Variants in MMP20 observed in about 807,000 individuals in gnomAD.
The protein encoded by MMP20 is matrix metalloproteinase-20.
A neutral mutation model predicts 51.8 loss-of-function variants in MMP20; 50 were observed. The observed-to-expected ratio is 0.97, with a 90% confidence interval of 0.77 to 1.22. The LOEUF (loss-of-function observed/expected upper bound fraction) is 1.22, where lower values mean the gene tolerates loss of function less well. MMP20 is among the 50% of genes most tolerant of loss of function. MMP20 has a pLI of 0.00. For synonymous variants in MMP20, 244 were observed against 216.2 expected, an observed-to-expected ratio of 1.13 and a Z score of -1.13; for missense variants, 663 against 601.4, an observed-to-expected ratio of 1.10 and a Z score of -1.07.
rs538541206 is a variant in MMP20, at chr11:102,616,398, A to T, written c.374+414T>A. On this transcript the variant is annotated intron_variant, in intron 2 of 9. Transcript: ENST00000260228. ...TGACCTGTTCACCTTTATAACCCTC[A>T]AATGGAATGCATTTCTTGAATCATC... is the stretch of plus-strand genomic sequence containing the variant. Among the ~76,000 whole-genome samples, 20 of 152,320 alleles carry T rather than the reference A, an allele frequency of 1.3e-4. No homozygotes were observed. The South Asian group carries it at 3.9e-3, about 30-fold the overall frequency.
chr11:102,604,647 G>A (rs1859491569), intron 6 of MMP20, among the ~76,000 whole-genome samples: 3 of 152,142 alleles, frequency 2.0e-5, no homozygotes, highest in South Asian at 2.1e-4. Context: ...CCTTTGAAAA[G>A]TGAATGTCTG....
chr11:102,610,541 C>T (rs1466445309), intron 3 of MMP20, among the ~76,000 whole-genome samples: 1 of 152,136 alleles, frequency 6.6e-6, no homozygotes, highest in Non-Finnish European at 1.5e-5. Context: ...TGTCAAAAAT[C>T]TCTCTGTAAT....
intron 2 of MMP20, among the ~76,000 whole-genome samples, chr11:102,614,731 A>C (rs907764579): frequency 6.6e-5 from 10 of 151,884 alleles, no homozygotes; most frequent in African/African-American, 1.7e-4. Context: ...TGTTCCCTGG[A>C]TTCTGGCCCC....
intron 4 of MMP20, 30 bp downstream of exon 4, chr11:102,609,875 T>C: frequency 1.2e-6 from 2 of 1,613,948 alleles, no homozygotes; most frequent in Non-Finnish European, 1.7e-6. Flanking sequence ...TACAATATTT[T>C]CCAGGTTATG....
intron 8 of MMP20, among the ~76,000 whole-genome samples, chr11:102,587,351 C>G (rs1859266181): frequency 1.3e-5 from 2 of 152,110 alleles, no homozygotes; most frequent in Admixed American, 1.3e-4. Context: ...TTTGTTGAGA[C>G]TTGTGTGGTG....
intron 6 of MMP20, chr11:102,605,362 A>C (rs1214812195): frequency 6.6e-6 from 1 of 151,966 alleles, no homozygotes; most frequent in Non-Finnish European, 1.5e-5. Context: ...AGACTGATAC[A>C]CTCCAGGTGG....
chr11:102,611,813 C>A lies in MMP20; in HGVS notation c.465G>T (p.Leu155=). 6.2e-7 allele frequency: 1 copy of A among 1,614,242 alleles called. No individual in the cohort carries two copies. The highest frequency in any genetic ancestry group is 8.5e-7 in the Non-Finnish European group (1 of 1,180,040). The change falls in exon 3 of 10, where the codon CTG becomes CTT. Residue 155 remains leucine (L), a synonymous_variant. Coordinates refer to ENST00000260228, the MANE Select transcript of MMP20 (RefSeq NM_004771.4). ...CTCCTGAGTTTATTCTGACAAAGCTCAGAGGGACGGCGCTACTCCAGGCCT... is the reference window on the plus strand; with the variant it reads ...CTCCTGAGTTTATTCTGACAAAGCTAAGAGGGACGGCGCTACTCCAGGCCT... ...ALQAWSSAVP[L]SFVRINSGEA...
At chr11:102,599,926 T>A (rs1377544979) in intron 6 of MMP20, among the ~76,000 whole-genome samples, 1 of 152,230 alleles carries the variant, frequency 6.6e-6, no homozygotes, top group Non-Finnish European at 1.5e-5. Flanking sequence ...AAATTAAGAA[T>A]GTTTGTACCC....
At chr11:102,607,254 T>C (rs898629773) in intron 5 of MMP20, 2 of 165,414 alleles carry the variant, frequency 1.2e-5, no homozygotes, top group South Asian at 3.1e-4. Flanking sequence ...ACTGAAGGTG[T>C]TTGCTATTTA....
chr11:102,610,129 C>A (rs1859578876), intron 3 of MMP20, 99 bp from the exon 4 acceptor site: 4 of 1,254,572 alleles, frequency 3.2e-6, no homozygotes, highest in South Asian at 2.5e-5. Context: ...GTAGCATTGA[C>A]ACTTAAATTC....
chr11:102,584,075 A>G (rs1859227088), intron 8 of MMP20, among the ~76,000 whole-genome samples: 2 of 152,176 alleles, frequency 1.3e-5, no homozygotes, highest in South Asian at 4.1e-4. Context: ...ATTATTAATA[A>G]TGCTGCTATG....
chr11:102,618,841 A>T (rs73582620), intron 1 of MMP20, among the ~76,000 whole-genome samples: 2,484 of 152,276 alleles, frequency 0.016, 80 homozygotes, highest in African/African-American at 0.057. Flanking sequence ...TGCTGGGGAA[A>T]AAATAAAAAG....
intron 8 of MMP20, chr11:102,583,355 G>A (rs1859217718): frequency 6.6e-6 from 1 of 152,134 alleles, no homozygotes; most frequent in Non-Finnish European, 1.5e-5. Context: ...TTTGCCATAT[G>A]TTGACATTTC....
In MMP20 at chr11:102,609,294, G is replaced by A. The variant is rs17098958; in HGVS notation, c.650-196C>T. On this transcript the variant is annotated intron_variant, in intron 4 of 9. Coordinates refer to ENST00000260228, the MANE Select transcript of MMP20 (RefSeq NM_004771.4). ...ATTCTTCCCCCCTTGGCTAGAAGGG[G>A]GTTGGGGGTGGGGGAGGACAGAAAT... Among the ~76,000 whole-genome samples, 977 of 152,236 alleles carry A rather than the reference G, an allele frequency of 6.4e-3. 9 individuals carry two copies. Among genetic ancestry groups the A allele is most frequent in the African/African-American group, 0.022 (927 of 41,498 alleles).
chr11:102,603,039 T>C (rs1344604148), intron 6 of MMP20, among the ~76,000 whole-genome samples: 3 of 152,250 alleles, frequency 2.0e-5, no homozygotes, highest in East Asian at 3.8e-4. Context: ...TTATTTCTCT[T>C]CACACAGAAC....
At position 102,577,260 on chromosome 11, in the gene MMP20, C is replaced by T. The variant is rs1256341808; in HGVS notation, c.*66G>A. The T allele has an allele frequency of 1.9e-6, 2 of 1,078,136 alleles. No homozygotes were observed. Among genetic ancestry groups the T allele is most frequent in the African/African-American group, 3.1e-5 (2 of 64,366 alleles). 66.8% of individuals were successfully genotyped at this position (1,078,136 alleles called of 1,614,324 possible). On this transcript the variant is annotated 3_prime_UTR_variant, in exon 10 of 10. Coordinates refer to ENST00000260228, the MANE Select transcript of MMP20 (RefSeq NM_004771.4). The stretch of plus-strand genomic sequence containing the variant: ...TCCCTCTCCTACATTCTGCTTTAGT[C>T]CTTAAGATCCAGTTAGAGGCTGCTT...
chr11:102,622,323 C>A (rs953524491), intron 1 of MMP20, among the ~76,000 whole-genome samples: 29 of 152,152 alleles, frequency 1.9e-4, no homozygotes, highest in Admixed American at 5.9e-4. Flanking sequence ...CTTAGCGTGA[C>A]CCAGGCCACC....
chr11:102,594,036 C>T (rs1337123357), intron 7 of MMP20, among the ~76,000 whole-genome samples: 1 of 152,182 alleles, frequency 6.6e-6, no homozygotes, highest in African/African-American at 2.4e-5. Flanking sequence ...GGATAACTTC[C>T]ATTGGCTCGC....
intron 5 of MMP20, among the ~76,000 whole-genome samples, chr11:102,608,460 C>T (rs924880685): frequency 2.0e-5 from 3 of 152,234 alleles, no homozygotes; most frequent in African/African-American, 7.2e-5. Flanking sequence ...ACACTTCACA[C>T]CCCACAGGTT....
Sources: allele counts gnomAD v4.1 joint callset (sites outside exome capture counted in the v4.1 genomes callset), GRCh38; gene constraint gnomAD v4.1.1; transcripts MANE v1.5; gene names NCBI Gene and HGNC (gene_info 2026-07-23, HGNC 2026-07-21).